Variants in KCNT2 observed in about 807,000 individuals in gnomAD.
The protein encoded by KCNT2 is potassium channel subfamily T member 2.
KCNT2 carries 67 observed loss-of-function variants against 153.8 expected under a neutral mutation model. The observed-to-expected ratio is 0.44, with a 90% CI of 0.36 to 0.53. The LOEUF (loss-of-function observed/expected upper bound fraction) is 0.53, where lower values mean the gene tolerates loss of function less well. Among genes scored for constraint, KCNT2 ranks in the 20% least tolerant of loss-of-function variants. The pLI is 0.00. For synonymous variants in KCNT2, 500 were observed against 458.8 expected, an observed-to-expected ratio of 1.09 and a Z score of -1.15; for missense variants, 975 against 1,354.8, an observed-to-expected ratio of 0.72 and a Z score of 4.40.
At chr1:196,476,772 T>C (rs1678568983) in intron 5 of KCNT2, among the ~76,000 whole-genome samples, 1 of 152,186 alleles carries the variant, frequency 6.6e-6, no homozygotes, top group Admixed American at 6.5e-5. Flanking sequence ...TCTCTCTTTT[T>C]TAAACAATGA....
At chr1:196,572,593 T>C (rs1660905224) in intron 1 of KCNT2, among the ~76,000 whole-genome samples, 1 of 152,038 alleles carries the variant, frequency 6.6e-6, no homozygotes, top group Non-Finnish European at 1.5e-5. Context: ...TTGGGTGGGA[T>C]TACTTGTAGG....
intron 25 of KCNT2, 67 bp from the exon 26 acceptor site, chr1:196,258,561 T>A: frequency 8.7e-7 from 1 of 1,152,620 alleles, no homozygotes; most frequent in Non-Finnish European, 1.2e-6. Flanking sequence ...GTTGAAATAA[T>A]ATTTTATTTG....
Position 196,227,629 on chromosome 1 carries a change from A to C in KCNT2, c.*595T>G, listed in dbSNP as rs1314578755. 6.6e-6 allele frequency: 1 copy of C among 152,520 alleles called. No individual in the cohort carries two copies. Among genetic ancestry groups the C allele is most frequent in the Non-Finnish European group, 1.5e-5 (1 of 67,944 alleles). The allele number at this position is 152,520 out of a possible 1,614,324, so 9.4% of individuals were successfully genotyped here. On this transcript the variant is annotated 3_prime_UTR_variant, in exon 28 of 28. Coordinates refer to ENST00000294725, the MANE Select transcript of KCNT2 (RefSeq NM_198503.5). Reference sequence around the variant, plus strand: ...AATAAAACATGCTATGAACATCTCAAATTCTAAGATAAATATTTTTATATC... The same window carrying C: ...AATAAAACATGCTATGAACATCTCACATTCTAAGATAAATATTTTTATATC...
rs548383534 is a variant in KCNT2, at chr1:196,298,345, T to C, written c.2595+6889A>G. Among the ~76,000 whole-genome samples the C allele has an allele frequency of 1.2e-3, 181 of 152,242 alleles. 1 individual carries two copies. Among genetic ancestry groups the C allele is most frequent in the Admixed American group, 2.1e-3 (32 of 15,288 alleles). ...TATTCCTGCCCAGCCAGCTACAAAT[T>C]TGGGGCTTCCCATAAACCCTCAGAT... On this transcript the variant is annotated intron_variant, in intron 22 of 27. Coordinates refer to ENST00000294725, the MANE Select transcript of KCNT2 (RefSeq NM_198503.5).
intron 26 of KCNT2, among the ~76,000 whole-genome samples, chr1:196,239,473 A>G (rs1654751081): frequency 6.6e-6 from 1 of 152,010 alleles, no homozygotes; most frequent in African/African-American, 2.4e-5. Flanking sequence ...AAATCTTCAA[A>G]TGGCAAATAT....
intron 1 of KCNT2, among the ~76,000 whole-genome samples, chr1:196,549,925 C>G (rs1657665756): frequency 6.6e-6 from 1 of 151,774 alleles, no homozygotes; most frequent in Non-Finnish European, 1.5e-5. Flanking sequence ...CAGAAATAGG[C>G]TGAGAAAGAA....
At chr1:196,275,027 G>A (rs1443979569) in intron 25 of KCNT2, among the ~76,000 whole-genome samples, 1 of 151,782 alleles carries the variant, frequency 6.6e-6, no homozygotes, top group Non-Finnish European at 1.5e-5. Flanking sequence ...TTTCTGCAAT[G>A]AAAAGTATAA....
intron 1 of KCNT2, among the ~76,000 whole-genome samples, chr1:196,567,295 T>A (rs7533533): frequency 0.84 from 127,794 of 151,976 alleles, 57,912 homozygotes; most frequent in Non-Finnish European, 1. Context: ...ACTAGACCAC[T>A]ATGCTTTCTT....
chr1:196,356,964 T>C (rs1032043341), intron 14 of KCNT2, among the ~76,000 whole-genome samples: 7 of 151,926 alleles, frequency 4.6e-5, no homozygotes, highest in Non-Finnish European at 1.0e-4. Flanking sequence ...TCTGATTTAC[T>C]AGGTACTTTT....
chr1:196,230,265 A>G (rs1653833727), intron 27 of KCNT2, among the ~76,000 whole-genome samples: 1 of 152,140 alleles, frequency 6.6e-6, no homozygotes, highest in South Asian at 2.1e-4. Flanking sequence ...GACACTTAAG[A>G]ATTCTGCTAA....
At chr1:196,482,438 A>C in intron 3 of KCNT2, 59 bp from the exon 4 acceptor site, 1 of 920,840 alleles carries the variant, frequency 1.1e-6, no homozygotes, top group Non-Finnish European at 1.6e-6. Context: ...ATTCACTTTT[A>C]AAATTCAGTT....
intron 12 of KCNT2, among the ~76,000 whole-genome samples, chr1:196,419,175 T>A (rs976116211): frequency 6.6e-6 from 1 of 151,458 alleles, no homozygotes; most frequent in African/African-American, 2.4e-5. Flanking sequence ...ATTTTTTTTA[T>A]TTATTTTATT....
chr1:196,365,372 C>A (rs1667954015), intron 14 of KCNT2, among the ~76,000 whole-genome samples: 1 of 152,042 alleles, frequency 6.6e-6, no homozygotes, highest in African/African-American at 2.4e-5. Context: ...GAGTTTTATA[C>A]TTCCTGTAAC....
chr1:196,498,429 C>G (rs1680423888), intron 1 of KCNT2, among the ~76,000 whole-genome samples: 1 of 152,072 alleles, frequency 6.6e-6, no homozygotes, highest in South Asian at 2.1e-4. Context: ...TGCTTTTTCC[C>G]TCCCTCTTTC....
At chr1:196,372,878 C>T (rs1402037262) in intron 14 of KCNT2, among the ~76,000 whole-genome samples, 3 of 151,756 alleles carry the variant, frequency 2.0e-5, no homozygotes, top group African/African-American at 4.8e-5. Context: ...ACAAATGATG[C>T]CGGCACTTAG....
intron 12 of KCNT2, among the ~76,000 whole-genome samples, chr1:196,403,152 C>T (rs1671558550): frequency 6.6e-6 from 1 of 151,592 alleles, no homozygotes; most frequent in African/African-American, 2.4e-5. Context: ...ATTACAAACA[C>T]TTGGAGGTAA....
At chr1:196,374,112 C>T (rs1360028489) in intron 13 of KCNT2, among the ~76,000 whole-genome samples, 1 of 151,680 alleles carries the variant, frequency 6.6e-6, no homozygotes, top group South Asian at 2.1e-4. Context: ...AAACAAAAAC[C>T]TGTTTTCCCA....
intron 19 of KCNT2, among the ~76,000 whole-genome samples, chr1:196,323,877 G>A (rs547290079): frequency 1.3e-5 from 2 of 151,200 alleles, no homozygotes; most frequent in South Asian, 4.2e-4. Flanking sequence ...TGGAAATATT[G>A]TAAAGAAGAA....
intron 14 of KCNT2, among the ~76,000 whole-genome samples, chr1:196,361,561 T>A (rs182816219): frequency 7.9e-4 from 120 of 152,056 alleles, no homozygotes; most frequent in African/African-American, 2.8e-3. Flanking sequence ...AGCTAGATAA[T>A]AAGTAGCTAC....
Sources: allele counts gnomAD v4.1 joint callset (sites outside exome capture counted in the v4.1 genomes callset), GRCh38; gene constraint gnomAD v4.1.1; transcripts MANE v1.5; gene names NCBI Gene and HGNC (gene_info 2026-07-23, HGNC 2026-07-21).